ZNF704: variants seen among roughly 807,000 people sequenced by gnomAD.
ZNF704 encodes the protein glucocorticoid induced gene 1.
In ZNF704, 10 loss-of-function variants were observed where a neutral mutation model predicts 44.7. The ratio of observed to expected loss-of-function variants is 0.22; its 90% CI spans 0.14 to 0.38. ZNF704 has a LOEUF of 0.38. Ranked by LOEUF, ZNF704 falls within the 10% of genes least tolerant of loss-of-function variation. The pLI, the probability that ZNF704 is intolerant of heterozygous loss-of-function variation, is 1.00. For missense variants in ZNF704, 390 were observed against 545.5 expected (o/e 0.71, Z 2.84); for synonymous variants, 211 against 207.6 (o/e 1.02, Z -0.14).
intron 2 of ZNF704, among the ~76,000 whole-genome samples, chr8:80,806,117 C>G (rs1033689030): frequency 1.3e-5 from 2 of 152,184 alleles, no homozygotes; most frequent in African/African-American, 4.8e-5. Flanking sequence ...CACATCAGCA[C>G]AGAAAGTCGT....
intron 1 of ZNF704, among the ~76,000 whole-genome samples, chr8:80,865,251 A>T (rs550684376): frequency 1.2e-4 from 19 of 152,334 alleles, no homozygotes; most frequent in African/African-American, 4.3e-4. Flanking sequence ...CATATTAAAA[A>T]AACGATAGCC....
chr8:80,834,275 T>G lies in ZNF704; in HGVS notation c.-21-12660A>C, dbSNP rs138377217. Among the ~76,000 whole-genome samples, 7 of 152,216 alleles carry G rather than the reference T, an allele frequency of 4.6e-5. No homozygotes were observed. In the East Asian group the frequency reaches 1.4e-3, roughly 29 times the overall value. On this transcript the variant is annotated intron_variant, in intron 1 of 8. Transcript: ENST00000327835. ...GTCAGTATCTAGTGTTCCATGACTT[T>G]CAGTTACAAAAAAAAGTGAGTCAAA...
At chr8:80,864,635 G>C (rs116939210) in intron 1 of ZNF704, among the ~76,000 whole-genome samples, 2,058 of 152,262 alleles carry the variant, frequency 0.014, 21 homozygotes, top group Middle Eastern at 0.034. Context: ...AAGCAGATAT[G>C]AGTTTAGAGG....
chr8:80,846,242 T>G (rs1202340135), intron 1 of ZNF704, among the ~76,000 whole-genome samples: 1 of 152,194 alleles, frequency 6.6e-6, no homozygotes, highest in Non-Finnish European at 1.5e-5. Context: ...TTTTTAGTAG[T>G]TGCTCTTGAG....
intron 5 of ZNF704, among the ~76,000 whole-genome samples, chr8:80,666,136 C>T (rs1454478496): frequency 2.9e-5 from 4 of 136,478 alleles, no homozygotes; most frequent in Non-Finnish European, 4.6e-5. Flanking sequence ...CACCACAGTC[C>T]CCAGAGTGTG....
chr8:80,819,200 C>G (rs1003258917), intron 2 of ZNF704, among the ~76,000 whole-genome samples: 2 of 152,018 alleles, frequency 1.3e-5, no homozygotes, highest in African/African-American at 4.8e-5. Context: ...ATTAACTTTC[C>G]CACACTGTTT....
chr8:80,675,697 A>C (rs1414094108), intron 4 of ZNF704, among the ~76,000 whole-genome samples: 2 of 152,208 alleles, frequency 1.3e-5, no homozygotes, highest in African/African-American at 4.8e-5. Flanking sequence ...ATGGTGTTAA[A>C]GATGACTTCC....
intron 2 of ZNF704, among the ~76,000 whole-genome samples, chr8:80,762,284 C>T (rs1246883879): frequency 6.6e-6 from 1 of 152,110 alleles, no homozygotes; most frequent in Admixed American, 6.6e-5. Context: ...CATTTTCATA[C>T]TGTTACAAAG....
chr8:80,709,883 T>C (rs796148186), intron 2 of ZNF704, among the ~76,000 whole-genome samples: 2 of 152,258 alleles, frequency 1.3e-5, no homozygotes, highest in African/African-American at 4.8e-5. Flanking sequence ...AGTAGCAGCT[T>C]CGCTTGTAAG....
chr8:80,847,414 AGG>A (rs1808785269), intron 1 of ZNF704, among the ~76,000 whole-genome samples: 1 of 152,190 alleles, frequency 6.6e-6, no homozygotes, highest in South Asian at 2.1e-4. Context: ...ATTTATTTAT[AGG>A]TTGGATGTAA....
chr8:80,772,687 G>A (rs946742810), intron 2 of ZNF704, among the ~76,000 whole-genome samples: 1 of 152,086 alleles, frequency 6.6e-6, no homozygotes, highest in Non-Finnish European at 1.5e-5. Flanking sequence ...TTTGGGTGGG[G>A]ACACAGAGCC....
intron 1 of ZNF704, among the ~76,000 whole-genome samples, chr8:80,839,471 T>C (rs1057427296): frequency 6.6e-6 from 1 of 152,258 alleles, no homozygotes; most frequent in East Asian, 1.9e-4. Flanking sequence ...TTATTTTTAC[T>C]AGCTGCACAG....
intron 2 of ZNF704, among the ~76,000 whole-genome samples, chr8:80,698,182 T>G (rs1295854162): frequency 2.5e-4 from 38 of 152,242 alleles, no homozygotes; most frequent in Non-Finnish European, 2.9e-5. Flanking sequence ...CCTCTTCAGC[T>G]GCGGTCTATT....
chr8:80,864,683 A>C (rs1809124381), intron 1 of ZNF704, among the ~76,000 whole-genome samples: 3 of 152,190 alleles, frequency 2.0e-5, no homozygotes, highest in Admixed American at 2.0e-4. Context: ...ACCCAAAAAA[A>C]CAAAGAATGA....
intron 2 of ZNF704, among the ~76,000 whole-genome samples, chr8:80,777,148 G>C: frequency 6.6e-6 from 1 of 152,054 alleles, no homozygotes; most frequent in Middle Eastern, 3.2e-3. Flanking sequence ...ATCTCAATAT[G>C]ATTTCCATTA....
intron 5 of ZNF704, among the ~76,000 whole-genome samples, chr8:80,665,392 G>A (rs187143215): frequency 3.3e-5 from 5 of 152,252 alleles, no homozygotes; most frequent in Admixed American, 6.5e-5. Context: ...TATAGACTCC[G>A]CCCTGATGGA....
At chr8:80,744,766 G>A (rs565777775) in intron 2 of ZNF704, among the ~76,000 whole-genome samples, 11 of 152,272 alleles carry the variant, frequency 7.2e-5, no homozygotes, top group Non-Finnish European at 1.5e-4. Flanking sequence ...CAGAAGTAAT[G>A]AGGAGACACA....
At chr8:80,770,646 A>G (rs1383277988) in intron 2 of ZNF704, among the ~76,000 whole-genome samples, 1 of 152,172 alleles carries the variant, frequency 6.6e-6, no homozygotes, top group Non-Finnish European at 1.5e-5. Flanking sequence ...CCCACTCTGC[A>G]GTTTGTCTTT....
chr8:80,693,979 G>A (rs1480878074), intron 2 of ZNF704, among the ~76,000 whole-genome samples: 1 of 152,160 alleles, frequency 6.6e-6, no homozygotes, highest in Non-Finnish European at 1.5e-5. Context: ...GTCCAGGCGA[G>A]CTTGGACTAG....
Sources: gnomAD v4.1 joint callset for allele counts (sites outside exome capture counted in the v4.1 genomes callset) on GRCh38, gnomAD v4.1.1 for gene constraint, MANE v1.5 for transcripts, NCBI Gene and HGNC (gene_info 2026-07-23, HGNC 2026-07-21) for gene names.